Variants in NUDT3 observed in about 807,000 individuals in gnomAD.
The protein encoded by NUDT3 is nudix hydrolase 3, also known as diphosphoinositol polyphosphate phosphohydrolase 1.
A neutral mutation model predicts 23.6 loss-of-function variants in NUDT3; 9 were observed. The observed-to-expected ratio is 0.38, with a 90% CI of 0.23 to 0.66. The LOEUF is 0.66. Ranked by LOEUF, NUDT3 falls within the 30% of genes least tolerant of loss-of-function variation. NUDT3 has a pLI of 0.52. For synonymous variants in NUDT3, 86 were observed against 82.6 expected (o/e 1.04, Z -0.22); for missense variants, 172 against 218.5 (o/e 0.79, Z 1.34).
intron 2 of NUDT3, among the ~76,000 whole-genome samples, chr6:34,305,008 A>T (rs1373377951): frequency 1.9e-5 from 2 of 107,358 alleles, no homozygotes; most frequent in African/African-American, 7.4e-5. Flanking sequence ...TTTGAGACAG[A>T]GTCTTGCTCT....
chr6:34,302,302 T>C (rs982255910), intron 2 of NUDT3, among the ~76,000 whole-genome samples: 7 of 152,218 alleles, frequency 4.6e-5, no homozygotes, highest in Non-Finnish European at 5.9e-5. Context: ...TTGATACTTA[T>C]GCTCTGTGGC....
rs557764040 is a variant in NUDT3 at position 34,347,691 on chromosome 6, A to G, written c.100-5719T>C. Among the ~76,000 whole-genome samples, 17 of 152,340 alleles carry G rather than the reference A, an allele frequency of 1.1e-4. No homozygotes were observed. The South Asian group carries it at 3.5e-3, about 32-fold the overall frequency. ...AAATTGTTGTGGGGTTTTTTGCTAA[A>G]TAGTGCTTAATACAAATTTTTAAAA... On this transcript the variant is annotated intron_variant, in intron 1 of 4. Coordinates refer to ENST00000607016, the MANE Select transcript of NUDT3 (RefSeq NM_006703.4).
At chr6:34,340,575 GT>G in intron 2 of NUDT3, among the ~76,000 whole-genome samples, 1 of 152,032 alleles carries the variant, frequency 6.6e-6, no homozygotes, top group African/African-American at 2.4e-5. Context: ...ATTCCATTTG[GT>G]TCTACCCGGG....
chr6:34,390,458 C>T (rs1765179582), intron 1 of NUDT3, among the ~76,000 whole-genome samples: 1 of 151,938 alleles, frequency 6.6e-6, no homozygotes, highest in African/African-American at 2.4e-5. Context: ...AAAATTAAGC[C>T]GTTGCTAGTT....
chr6:34,368,356 T>C (rs1479509265), intron 1 of NUDT3, among the ~76,000 whole-genome samples: 1 of 152,174 alleles, frequency 6.6e-6, no homozygotes, highest in Admixed American at 6.6e-5. Context: ...CTTTACAAGC[T>C]TGAGAAGGGA....
chr6:34,356,394 C>G (rs1764561939), intron 1 of NUDT3, among the ~76,000 whole-genome samples: 2 of 152,136 alleles, frequency 1.3e-5, no homozygotes, highest in South Asian at 4.1e-4. Flanking sequence ...TACTTTCATT[C>G]CTGATACGGC....
chr6:34,298,018 T>C (rs1763541868), intron 2 of NUDT3, among the ~76,000 whole-genome samples: 1 of 151,800 alleles, frequency 6.6e-6, no homozygotes, highest in South Asian at 2.1e-4. Context: ...ATCTCCAAAC[T>C]TTTAGGGCAC....
rs190281480 is a variant in NUDT3, at chr6:34,291,514, T to A, written c.340+1937A>T. On this transcript the variant is annotated intron_variant, in intron 4 of 4. Coordinates refer to ENST00000607016, the MANE Select transcript of NUDT3 (RefSeq NM_006703.4). ...GCTTTTCTTTAACATTGACAAAAATTTTTTTTTTTGAAACAGTCTTATCTG... is the reference window on the plus strand; with the variant it reads ...GCTTTTCTTTAACATTGACAAAAATATTTTTTTTTGAAACAGTCTTATCTG... Among the ~76,000 whole-genome samples the A allele has an allele frequency of 1.0e-3, 156 of 151,286 alleles. 1 individual carries two copies. In the East Asian group the frequency reaches 0.011, roughly 11 times the overall value.
Position 34,374,156 on chromosome 6 carries a change from C to CAAAAAAA in NUDT3, c.99+18101_99+18107dup, listed in dbSNP as rs397888346. Reference sequence around the variant, plus strand: ...TGGGCGACAGAACAAGGCTCCCTCTCAAAAAAAAAAAAAAAAAAAAAAAAA... The same window carrying CAAAAAAA: ...TGGGCGACAGAACAAGGCTCCCTCTCAAAAAAAAAAAAAAAAAAAAAAAAAAAAAAAA... On this transcript the variant is annotated intron_variant, in intron 1 of 4. Transcript: ENST00000607016. Among the ~76,000 whole-genome samples, 8 of 64,718 alleles carry CAAAAAAA rather than the reference C, an allele frequency of 1.2e-4. No individual in the cohort carries two copies. The South Asian group carries it at 1.6e-3, about 13-fold the overall frequency. The allele number at this position is 64,718 out of a possible 152,430, so 42.5% of individuals were successfully genotyped here.
intron 4 of NUDT3, among the ~76,000 whole-genome samples, chr6:34,290,233 TTTTC>T (rs934876284): frequency 1.7e-4 from 25 of 151,448 alleles, no homozygotes; most frequent in African/African-American, 5.4e-4. Flanking sequence ...TTTCTTTTCT[TTTTC>T]TTTCTCTCTT....
At chr6:34,296,995 G>A (rs1048186644) in intron 2 of NUDT3, among the ~76,000 whole-genome samples, 1 of 149,190 alleles carries the variant, frequency 6.7e-6, no homozygotes, top group African/African-American at 2.5e-5. Flanking sequence ...GCAGTGGTGT[G>A]ATTTTGGCTC....
chr6:34,338,183 T>C (rs1191592248), intron 2 of NUDT3, among the ~76,000 whole-genome samples: 1 of 152,206 alleles, frequency 6.6e-6, no homozygotes, highest in Non-Finnish European at 1.5e-5. Context: ...CAATTCTGCT[T>C]CAGAGTAAAG....
chr6:34,289,850 C>T (rs1763392165), intron 4 of NUDT3, among the ~76,000 whole-genome samples: 1 of 152,104 alleles, frequency 6.6e-6, no homozygotes, highest in Non-Finnish European at 1.5e-5. Flanking sequence ...ACTCTCAATA[C>T]CCTAGCACAA....
At chr6:34,335,310 A>G (rs1345741659) in intron 2 of NUDT3, among the ~76,000 whole-genome samples, 4 of 152,226 alleles carry the variant, frequency 2.6e-5, no homozygotes, top group South Asian at 2.1e-4. Context: ...GTCACCTAAG[A>G]GTCGTGGCCT....
chr6:34,326,773 G>A (rs910045392), intron 2 of NUDT3, among the ~76,000 whole-genome samples: 2 of 151,902 alleles, frequency 1.3e-5, no homozygotes, highest in Admixed American at 6.6e-5. Context: ...GCTAATTTTC[G>A]TGTTTTTAGT....
chr6:34,297,761 T>TATA lies in NUDT3; in HGVS notation c.211-2077_211-2076insTAT, dbSNP rs60304042. Among the ~76,000 whole-genome samples, 29 of 77,526 alleles carry TATA rather than the reference T, an allele frequency of 3.7e-4. 1 individual carries two copies. Among genetic ancestry groups the TATA allele is most frequent in the African/African-American group, 1.8e-3 (26 of 14,396 alleles). 50.9% of individuals were successfully genotyped at this position (77,526 alleles called of 152,430 possible). A position where few individuals can be genotyped will look rare whatever the true frequency, so the allele number is the denominator to read the frequency against. ...TATATATATATATATATATATATAA[T>TATA]TTTTTTTTTTTTTTTAGTAGAGACG... On this transcript the variant is annotated intron_variant, in intron 2 of 4. Coordinates refer to ENST00000607016, the MANE Select transcript of NUDT3 (RefSeq NM_006703.4).
rs1001322019 is a variant in NUDT3 at position 34,293,317 on chromosome 6, C to T, written c.340+134G>A. ...GCTCAGGTGATCCTCCTGTGTTGGC[C>T]TTCCAAAGTACTGGGGTTATAGGTG... On this transcript the variant is annotated intron_variant, in intron 4 of 4. Coordinates refer to ENST00000607016, the MANE Select transcript of NUDT3 (RefSeq NM_006703.4). 3 of 1,026,164 alleles carry T rather than the reference C, an allele frequency of 2.9e-6. No homozygotes were observed. In the African/African-American group the frequency reaches 4.7e-5, roughly 16 times the overall value. 63.6% of individuals were successfully genotyped at this position (1,026,164 alleles called of 1,614,324 possible).
At chr6:34,367,422 C>T (rs947588561) in intron 1 of NUDT3, among the ~76,000 whole-genome samples, 1 of 150,992 alleles carries the variant, frequency 6.6e-6, no homozygotes, top group Non-Finnish European at 1.5e-5. Flanking sequence ...GCGGAGGTTG[C>T]AGCGAGCCGA....
intron 2 of NUDT3, among the ~76,000 whole-genome samples, chr6:34,307,654 A>C (rs1408691901): frequency 6.6e-6 from 1 of 152,222 alleles, no homozygotes; most frequent in African/African-American, 2.4e-5. Flanking sequence ...AATGAAGGAT[A>C]AGAACAAAAG....
Sources: gnomAD v4.1 joint callset for allele counts (sites outside exome capture counted in the v4.1 genomes callset) on GRCh38, gnomAD v4.1.1 for gene constraint, MANE v1.5 for transcripts, NCBI Gene and HGNC (gene_info 2026-07-23, HGNC 2026-07-21) for gene names.